AKT2: variants seen among roughly 807,000 people sequenced by gnomAD.
The protein encoded by AKT2 is AKT serine/threonine kinase 2.
A neutral mutation model predicts 58.6 loss-of-function variants in AKT2; 16 were observed. The observed-to-expected ratio is 0.27, with a 90% confidence interval of 0.18 to 0.41. The LOEUF (loss-of-function observed/expected upper bound fraction) is 0.41, where lower values mean the gene tolerates loss of function less well. Ranked by LOEUF, AKT2 falls within the 10% of genes least tolerant of loss-of-function variation. The pLI is 1.00. For missense variants in AKT2, 438 were observed against 661.0 expected (o/e 0.66, Z 3.70); for synonymous variants, 253 against 254.0 (o/e 1.00, Z 0.04).
intron 2 of AKT2, among the ~76,000 whole-genome samples, 177 bp downstream of exon 2, chr19:40,265,045 C>T (rs577194903): frequency 6.6e-6 from 1 of 152,340 alleles, no homozygotes; most frequent in East Asian, 1.9e-4. Flanking sequence ...TGCTCTCCTG[C>T]CCAGATGACC....
intron 3 of AKT2, among the ~76,000 whole-genome samples, 184 bp downstream of exon 3, chr19:40,256,742 C>T (rs1713836928): frequency 6.6e-6 from 1 of 152,178 alleles, no homozygotes; most frequent in Non-Finnish European, 1.5e-5. Flanking sequence ...TCTGCATCTC[C>T]CCGCAGGACA....
At position 40,237,043 on chromosome 19, in the gene AKT2, T is replaced by A. The variant is rs922258575; in HGVS notation, c.832-658A>T. On this transcript the variant is annotated intron_variant, in intron 9 of 13. Transcript: ENST00000392038. This position sits in a 1 kb window ranked among gnomAD's most constrained non-coding sequence, Gnocchi z 4.5. ...CTGTACCACTGCACACAGACACACC[T>A]GTGAACTGTGGACTCACCTCCTCTG... 4 of 165,596 alleles carry A rather than the reference T, an allele frequency of 2.4e-5. No individual in the cohort carries two copies. The highest frequency in any genetic ancestry group is 9.6e-5 in the African/African-American group (4 of 41,512). 10.3% of individuals were successfully genotyped at this position (165,596 alleles called of 1,614,324 possible).
chr19:40,256,941 T>C lies in AKT2; in HGVS notation c.160A>G (p.Asn54Asp). The change falls in exon 3 of 14, where the codon AAC becomes GAC. Residue 54 changes from asparagine (N) to aspartate (D), a missense_variant. Coordinates refer to ENST00000392038, the MANE Select transcript of AKT2 (RefSeq NM_001626.6). Reference protein sequence around the residue: ...APDQTLPPLNNFSVAECQLMK... With the variant: ...APDQTLPPLNDFSVAECQLMK... ...CAAGACACACCTGCTACGGAGAAGT[T>C]GTTTAAGGGGGGTAGAGTCTGATCA... 1 of 1,613,950 alleles carries C rather than the reference T, an allele frequency of 6.2e-7. No individual in the cohort carries two copies. Among genetic ancestry groups the C allele is most frequent in the Non-Finnish European group, 8.5e-7 (1 of 1,179,918 alleles).
In AKT2 at chr19:40,231,521, ATTCACTT is replaced by A. The variant is rs1423587203; in HGVS notation, c.*2344_*2350del. 4.3e-6 allele frequency: 1 copy of A among 233,192 alleles called. No homozygotes were observed. 14.4% of individuals were successfully genotyped at this position (233,192 alleles called of 1,614,324 possible). ...ATTGGATCTGACTTTTTCTGCTTAC[ATTCACTT>A]AAAATCTCAAAGACTCAATGGGTGT... On this transcript the variant is annotated 3_prime_UTR_variant, in exon 14 of 14. Transcript: ENST00000392038.
chr19:40,265,594 A>C, intron 1 of AKT2: 1 of 466,066 alleles, frequency 2.1e-6, no homozygotes, highest in Non-Finnish European at 3.9e-6. Context: ...CCAGACCCCA[A>C]ACTCAGGACA....
Position 40,265,483 on chromosome 19 carries a change from G to A in AKT2, c.-84-132C>T, listed in dbSNP as rs541372439. ...AAAGGGTAAGGCCAGCAAGGGTGGC[G>A]TGGAGCCCGCTCTCAAGGACCCATT... On this transcript the variant is annotated intron_variant, in intron 1 of 13. Coordinates refer to ENST00000392038, the MANE Select transcript of AKT2 (RefSeq NM_001626.6). 1.5e-4 allele frequency: 181 copies of A among 1,245,976 alleles called. No homozygotes were observed. The East Asian group carries it at 3.4e-3, about 24-fold the overall frequency. 77.2% of individuals were successfully genotyped at this position (1,245,976 alleles called of 1,614,324 possible).
chr19:40,276,384 T>G (rs1336821320), intron 1 of AKT2, among the ~76,000 whole-genome samples: 1 of 83,674 alleles, frequency 1.2e-5, no homozygotes, highest in Non-Finnish European at 2.2e-5. Flanking sequence ...TTTTTTTTTT[T>G]GAGACAGAGT....
chr19:40,253,388 A>C (rs1975306129), intron 4 of AKT2, among the ~76,000 whole-genome samples: 1 of 152,232 alleles, frequency 6.6e-6, no homozygotes, highest in Admixed American at 6.5e-5. Context: ...CTGATTACAA[A>C]GGGCAAAGCT....
chr19:40,230,557 A>T lies in AKT2; in HGVS notation c.*3315T>A. Reference sequence around the variant, plus strand: ...CCAGAGGCTTCACATTAACTGGAAAAGATTACACAAAAAGAGCAGGAAACT... The same window carrying T: ...CCAGAGGCTTCACATTAACTGGAAATGATTACACAAAAAGAGCAGGAAACT... On this transcript the variant is annotated 3_prime_UTR_variant, in exon 14 of 14. Transcript: ENST00000392038. 1 of 227,588 alleles carries T rather than the reference A, an allele frequency of 4.4e-6. No homozygotes were observed. The highest frequency in any genetic ancestry group is 8.7e-6 in the Non-Finnish European group (1 of 114,472). 14.1% of individuals were successfully genotyped at this position (227,588 alleles called of 1,614,324 possible).
rs746459514 is a variant in AKT2, at chr19:40,238,863, A to G, written c.708+42T>C. The G allele has an allele frequency of 6.0e-5, 96 of 1,594,844 alleles. No individual in the cohort carries two copies. In the Middle Eastern group the frequency reaches 9.9e-4, roughly 17 times the overall value. On this transcript the variant is annotated intron_variant, in intron 8 of 13. Coordinates refer to ENST00000392038, the MANE Select transcript of AKT2 (RefSeq NM_001626.6). The surrounding 1 kb of genome is among the most constrained non-coding windows in gnomAD (Gnocchi z 5.1). ...CTCTCCATCCCGCCCCACCCTAAAG[A>G]AGGAGGCCCCAGAGGGCAAAGTCAA...
intron 4 of AKT2, among the ~76,000 whole-genome samples, chr19:40,245,400 T>C (rs568666791): frequency 6.6e-6 from 1 of 152,174 alleles, no homozygotes; most frequent in Admixed American, 6.5e-5. Flanking sequence ...TTAAGGAAGG[T>C]GAAGAACAGT....
At position 40,235,974 on chromosome 19, in the gene AKT2, A is replaced by G; in HGVS notation, c.1091T>C (p.Met364Thr). 1 of 1,614,060 alleles carries G rather than the reference A, an allele frequency of 6.2e-7. No individual in the cohort carries two copies. The highest frequency in any genetic ancestry group is 8.5e-7 in the Non-Finnish European group (1 of 1,180,028). ...DHERLFELIL[M>T]EEIRFPRTLS... is the part of the protein sequence containing the mutation. Reference sequence around the variant, plus strand: ...CGTGCGCGGGAAGCGGATCTCTTCCATGAGGATGAGCTCGAAGAGGCGCTC... The same window carrying G: ...CGTGCGCGGGAAGCGGATCTCTTCCGTGAGGATGAGCTCGAAGAGGCGCTC... The change falls in exon 11 of 14, where the codon ATG (methionine) becomes ACG (threonine). Residue 364 changes from methionine to threonine, a missense_variant. Met to Thr is a moderately conservative substitution (Grantham distance 81). Transcript: ENST00000392038. This position sits in a 1 kb window ranked among gnomAD's most constrained non-coding sequence, Gnocchi z 6.3.
chr19:40,271,253 G>A (rs1270805019), intron 1 of AKT2, among the ~76,000 whole-genome samples: 12 of 140,000 alleles, frequency 8.6e-5, no homozygotes, highest in East Asian at 6.2e-4. Context: ...ATATATACAC[G>A]TATATATACA....
rs1974114375 is a variant in AKT2, at chr19:40,237,663, G to A, written c.831+306C>T. 1 of 364,476 alleles carries A rather than the reference G, an allele frequency of 2.7e-6. No individual in the cohort carries two copies. The highest frequency in any genetic ancestry group is 2.1e-5 in the African/African-American group (1 of 48,128). The allele number at this position is 364,476 out of a possible 1,614,324, so 22.6% of individuals were successfully genotyped here. On this transcript the variant is annotated intron_variant, in intron 9 of 13. Transcript: ENST00000392038. The surrounding 1 kb of genome is among the most constrained non-coding windows in gnomAD (Gnocchi z 4.5). The stretch of plus-strand genomic sequence containing the variant: ...AAATAAATAAATAAATACAAATAAA[G>A]TAGGTATTGTGGCAGTTGACACTCC...
intron 4 of AKT2, among the ~76,000 whole-genome samples, chr19:40,246,477 T>C (rs529635731): frequency 1.3e-5 from 2 of 152,276 alleles, no homozygotes; most frequent in South Asian, 4.2e-4. Flanking sequence ...TTTAAATTTT[T>C]TTAATGCTGA....
chr19:40,253,936 G>A (rs1281195314), intron 4 of AKT2, among the ~76,000 whole-genome samples: 17 of 149,620 alleles, frequency 1.1e-4, no homozygotes, highest in Non-Finnish European at 2.2e-4. Flanking sequence ...GGTACACTAA[G>A]GGAAAAAGCA....
rs1272565080 is a variant in AKT2, at chr19:40,257,030, G to A, written c.71C>T (p.Pro24Leu). 2 of 1,614,200 alleles carry A rather than the reference G, an allele frequency of 1.2e-6. No individual in the cohort carries two copies. The highest frequency in any genetic ancestry group is 1.7e-6 in the Non-Finnish European group (2 of 1,180,020). The change falls in exon 3 of 14, where the codon CCA (proline) becomes CTA (leucine). Residue 24 changes from proline to leucine, a missense_variant. By Grantham distance (98) the Pro-to-Leu change is moderately conservative. Around this residue, in one of 3 missense-constraint regions of AKT2, gnomAD observed 244 missense variants for 347.1 expected, o/e 0.70. Coordinates refer to ENST00000392038, the MANE Select transcript of AKT2 (RefSeq NM_001626.6). Reference protein sequence around the residue: ...KRGEYIKTWRPRYFLLKSDGS... With the variant: ...KRGEYIKTWRLRYFLLKSDGS... ...GTCGCTCTTCAGCAGGAAGTACCGT[G>A]GCCTCCAGGTCTTGATGTATTCACC...
At position 40,234,903 on chromosome 19, in the gene AKT2, G is replaced by A; in HGVS notation, c.1366+142C>T. 1.2e-6 allele frequency: 1 copy of A among 814,004 alleles called. No individual in the cohort carries two copies. Among genetic ancestry groups the A allele is most frequent in the South Asian group, 1.4e-5 (1 of 69,818 alleles). 50.4% of individuals were successfully genotyped at this position (814,004 alleles called of 1,614,324 possible). ...GGTCCAAAGAGGACCAACAGCAAAA[G>A]GGCCTGAGAGCAGACTTGGGGAAAT... On this transcript the variant is annotated intron_variant, in intron 13 of 13. Transcript: ENST00000392038. The surrounding 1 kb of genome is among the most constrained non-coding windows in gnomAD (Gnocchi z 4.7).
chr19:40,254,230 G>A (rs1600047116), intron 4 of AKT2, among the ~76,000 whole-genome samples: 2 of 152,172 alleles, frequency 1.3e-5, no homozygotes, highest in East Asian at 1.9e-4. Flanking sequence ...CAATAGAGAT[G>A]CTCATTAAGA....
Sources: allele counts gnomAD v4.1 joint callset (sites outside exome capture counted in the v4.1 genomes callset), GRCh38; gene constraint gnomAD v4.1.1; regional missense constraint gnomAD v4.1.1; non-coding constraint Gnocchi (gnomAD v3.1); transcripts MANE v1.5; gene names NCBI Gene and HGNC (gene_info 2026-07-23, HGNC 2026-07-21).